The following PDE10A variants were observed in gnomAD, a reference collection of about 807,000 sequenced individuals.
The protein encoded by PDE10A is cAMP and cAMP-inhibited cGMP 3',5'-cyclic phosphodiesterase 10A.
In PDE10A, 39 loss-of-function variants were observed where a neutral mutation model predicts 97.7. The observed-to-expected ratio is 0.40, with a 90% CI of 0.31 to 0.52. PDE10A has a LOEUF of 0.52. Among genes scored for constraint, PDE10A ranks in the 20% least tolerant of loss-of-function variants. PDE10A has a pLI of 0.56. For synonymous variants in PDE10A, 371 were observed against 376.8 expected (o/e 0.98, Z 0.18); for missense variants, 731 against 1,047.8 (o/e 0.70, Z 4.17).
chr6:165,924,266 C>G (rs530146160), intron 1 of PDE10A, among the ~76,000 whole-genome samples: 179 of 152,122 alleles, frequency 1.2e-3, no homozygotes, highest in Non-Finnish European at 1.9e-3. Flanking sequence ...AGGCATACAA[C>G]TCATGGTTTC....
At chr6:165,656,258 T>TCTCACACACA (rs1365414526) in intron 1 of PDE10A, among the ~76,000 whole-genome samples, 11 of 129,840 alleles carry the variant, frequency 8.5e-5, no homozygotes, top group African/African-American at 3.4e-4. Context: ...TCTCTCTCTC[T>TCTCACACACA]CACACACACA....
At chr6:165,586,073 G>A (rs1256880657) in intron 1 of PDE10A, among the ~76,000 whole-genome samples, 2 of 152,062 alleles carry the variant, frequency 1.3e-5, no homozygotes, top group Non-Finnish European at 1.5e-5. Context: ...TCTAACCAAC[G>A]GGAATTCCTG....
intron 5 of PDE10A, among the ~76,000 whole-genome samples, chr6:165,436,833 A>C (rs1387651219): frequency 6.6e-6 from 1 of 152,184 alleles, no homozygotes; most frequent in Non-Finnish European, 1.5e-5. Context: ...CTATCATTAG[A>C]TTCAGTATCT....
chr6:165,553,243 T>C (rs1784101558), intron 1 of PDE10A, among the ~76,000 whole-genome samples: 1 of 151,950 alleles, frequency 6.6e-6, no homozygotes, highest in Non-Finnish European at 1.5e-5. Flanking sequence ...GGGGGGTGTC[T>C]TTTTTTTAAA....
At chr6:165,977,446 A>G (rs1784884371) in intron 1 of PDE10A, among the ~76,000 whole-genome samples, 1 of 152,222 alleles carries the variant, frequency 6.6e-6, no homozygotes, top group Non-Finnish European at 1.5e-5. Context: ...CAAAGCAAGC[A>G]CAATACACCA....
intron 1 of PDE10A, among the ~76,000 whole-genome samples, chr6:165,751,782 A>G (rs150910815): frequency 2.6e-5 from 4 of 152,274 alleles, no homozygotes; most frequent in Non-Finnish European, 4.4e-5. Context: ...CCTTTCCTAG[A>G]AAGTTATAAA....
intron 1 of PDE10A, among the ~76,000 whole-genome samples, chr6:165,976,401 A>C (rs1039733063): frequency 6.6e-6 from 1 of 152,172 alleles, no homozygotes; most frequent in Non-Finnish European, 1.5e-5. Flanking sequence ...CCGTGACTAC[A>C]ATCAAAATGT....
At chr6:165,399,310 G>A (rs1168407090) in intron 13 of PDE10A, among the ~76,000 whole-genome samples, 3 of 152,034 alleles carry the variant, frequency 2.0e-5, no homozygotes, top group Admixed American at 2.0e-4. Flanking sequence ...CTTTTCTATA[G>A]GAAATTAAAA....
At chr6:165,385,715 A>G (rs955701217) in intron 17 of PDE10A, among the ~76,000 whole-genome samples, 4 of 152,248 alleles carry the variant, frequency 2.6e-5, no homozygotes, top group Non-Finnish European at 5.9e-5. Flanking sequence ...CCAAGTGTAC[A>G]GAAATTTTCC....
At chr6:165,609,174 A>G (rs111313578) in intron 1 of PDE10A, among the ~76,000 whole-genome samples, 47 of 152,196 alleles carry the variant, frequency 3.1e-4, no homozygotes, top group African/African-American at 1.1e-3. Flanking sequence ...TAGACATGAA[A>G]TCCTTGCCCA....
intron 3 of PDE10A, among the ~76,000 whole-genome samples, chr6:165,463,171 G>C (rs1778426556): frequency 6.6e-6 from 1 of 152,198 alleles, no homozygotes; most frequent in Non-Finnish European, 1.5e-5. Context: ...AAAACAGTCA[G>C]ACGGTAGAAA....
intron 1 of PDE10A, among the ~76,000 whole-genome samples, chr6:165,955,978 G>A (rs1021933751): frequency 3.3e-5 from 5 of 152,154 alleles, no homozygotes; most frequent in African/African-American, 1.2e-4. Context: ...TCTTAACATT[G>A]ATGCCTCAAC....
At chr6:165,397,737 T>C (rs918802034) in intron 13 of PDE10A, among the ~76,000 whole-genome samples, 1 of 147,834 alleles carries the variant, frequency 6.8e-6, no homozygotes, top group Non-Finnish European at 1.5e-5. Context: ...TGAAGCTAAA[T>C]GGGTCAAGAG....
chr6:165,396,569 C>A, intron 13 of PDE10A, 110 bp from the exon 14 acceptor site: 1 of 1,038,472 alleles, frequency 9.6e-7, no homozygotes, highest in South Asian at 1.7e-5. Context: ...GAATTAAAAC[C>A]AAAGTGGATT....
Position 165,368,920 on chromosome 6 carries a change from C to T in PDE10A, c.2783+10274G>A, listed in dbSNP as rs554931797. ...ATCAGACAGCAGCATTCGCGGTTCA[C>T]GAAAATCCACTGTTCTGCAGACACC... On this transcript the variant is annotated intron_variant, in intron 18 of 21. Coordinates refer to ENST00000539869, the MANE Select transcript of PDE10A (RefSeq NM_001385079.1). Among the ~76,000 whole-genome samples the T allele has an allele frequency of 7.1e-3, 1,086 of 152,070 alleles. 10 individuals carry two copies. Among genetic ancestry groups the T allele is most frequent in the African/African-American group, 0.024 (1,013 of 41,468 alleles).
intron 18 of PDE10A, among the ~76,000 whole-genome samples, 180 bp from the exon 19 acceptor site, chr6:165,343,682 G>A (rs1782121041): frequency 6.6e-6 from 1 of 152,180 alleles, no homozygotes; most frequent in African/African-American, 2.4e-5. Context: ...TTCATCATAA[G>A]AACAAGAGTC....
intron 1 of PDE10A, among the ~76,000 whole-genome samples, chr6:165,595,497 T>C (rs933520637): frequency 1.4e-4 from 22 of 152,232 alleles, no homozygotes; most frequent in South Asian, 4.1e-4. Flanking sequence ...CATGAAATGT[T>C]TGCCCATGTT....
chr6:165,439,129 T>C (rs1310890645), intron 5 of PDE10A, among the ~76,000 whole-genome samples: 3 of 152,142 alleles, frequency 2.0e-5, no homozygotes, highest in Non-Finnish European at 2.9e-5. Context: ...AAGATTTAAC[T>C]GGGATATTCA....
At chr6:165,410,716 GAC>G (rs1787685926) in intron 13 of PDE10A, among the ~76,000 whole-genome samples, 1 of 152,060 alleles carries the variant, frequency 6.6e-6, no homozygotes, top group Admixed American at 6.6e-5. Flanking sequence ...ATGCACTGAG[GAC>G]ACATCCGCAC....
Sources: gnomAD v4.1 joint callset for allele counts (sites outside exome capture counted in the v4.1 genomes callset) on GRCh38, gnomAD v4.1.1 for gene constraint, MANE v1.5 for transcripts, NCBI Gene and HGNC (gene_info 2026-07-23, HGNC 2026-07-21) for gene names.